ARHGEF1: variants seen among roughly 807,000 people sequenced by gnomAD.
ARHGEF1 encodes Rho guanine nucleotide exchange factor 1.
Under a neutral mutation model 119.7 loss-of-function variants are expected in ARHGEF1, and 40 were observed. That is an observed-to-expected ratio of 0.33 (90% CI 0.26 to 0.44). The LOEUF is 0.44. Ranked by LOEUF, ARHGEF1 falls within the 20% of genes least tolerant of loss-of-function variation. ARHGEF1 has a pLI of 1.00. For missense variants in ARHGEF1, 976 were observed against 1,268.3 expected (o/e 0.77, Z 3.50); for synonymous variants, 494 against 521.0 (o/e 0.95, Z 0.71).
In ARHGEF1 at chr19:41,906,644, G is replaced by A. The variant is rs781864567; in HGVS notation, c.2655+24G>A. On this transcript the variant is annotated intron_variant, in intron 27 of 28. Coordinates refer to ENST00000354532, the MANE Select transcript of ARHGEF1 (RefSeq NM_004706.4). This position sits in a 1 kb window ranked among gnomAD's most constrained non-coding sequence, Gnocchi z 4.5. ...AGGTGGGGCGGGACGGGCCAGGGGTGCCCTGAGTGGGCTGGGGAAGGAAGG... is the reference window on the plus strand; with the variant it reads ...AGGTGGGGCGGGACGGGCCAGGGGTACCCTGAGTGGGCTGGGGAAGGAAGG... The A allele has an allele frequency of 5.0e-6, 8 of 1,600,552 alleles. No homozygotes were observed. The South Asian group carries it at 8.9e-5, about 18-fold the overall frequency.
In ARHGEF1 at chr19:41,916,322, CA is replaced by C. The variant is rs1568833419; in HGVS notation, c.1866-6769del. Among the ~76,000 whole-genome samples, 2 of 152,052 alleles carry C rather than the reference CA, an allele frequency of 1.3e-5. No homozygotes were observed. The highest frequency in any genetic ancestry group is 2.9e-5 in the Non-Finnish European group (2 of 68,000). On this transcript the variant is annotated intron_variant, in intron 18 of 20. Coordinates refer to the ARHGEF1 transcript ENST00000599589. The surrounding 1 kb of genome is among the most constrained non-coding windows in gnomAD (Gnocchi z 5.4). ...ACCACGTCCCACACAACACATCACA[CA>C]CACCAACAAAGCAACGCATACCACT...
chr19:41,901,846 G>A (rs2074609701), intron 14 of ARHGEF1, 41 bp from the exon 15 acceptor site: 4 of 1,595,872 alleles, frequency 2.5e-6, no homozygotes, highest in Non-Finnish European at 2.6e-6. Context: ...CCCCTAGTCT[G>A]CACCCTCCCC....
At chr19:41,909,736 G>T, downstream of ARHGEF1, 3 of 1,081,698 alleles carry the variant, frequency 2.8e-6, no homozygotes, top group Non-Finnish European at 3.9e-6. The surrounding 1 kb of genome is among the most constrained non-coding windows in gnomAD (Gnocchi z 5.2). Context: ...AGCGATGGTG[G>T]CTACTCACGC....
chr19:41,887,004 G>C (rs1185243517), intron 1 of ARHGEF1, among the ~76,000 whole-genome samples: 5 of 152,164 alleles, frequency 3.3e-5, no homozygotes, highest in African/African-American at 1.2e-4. Context: ...AGACAAAGAT[G>C]GGAGAGACAG....
At chr19:41,921,628 G>A (rs1410139204), upstream of ARHGEF1, among the ~76,000 whole-genome samples, 1 of 152,078 alleles carries the variant, frequency 6.6e-6, no homozygotes, top group Non-Finnish European at 1.5e-5. This position sits in a 1 kb window ranked among gnomAD's most constrained non-coding sequence, Gnocchi z 4.4. Context: ...CCGCACCGGA[G>A]ACCCTGGGTT....
intron 18 of ARHGEF1, among the ~76,000 whole-genome samples, chr19:41,912,504 C>CA (rs2074758935): frequency 6.6e-6 from 1 of 152,234 alleles, no homozygotes; most frequent in Non-Finnish European, 1.5e-5. Context: ...CCCCCTCCAG[C>CA]CCAGTCCCTG....
upstream of ARHGEF1, among the ~76,000 whole-genome samples, chr19:41,922,400 G>A (rs1245839738): frequency 6.6e-6 from 1 of 152,164 alleles, no homozygotes. Flanking sequence ...AATAGGGATG[G>A]AGCCGAGAGC....
chr19:41,920,906 C>T (rs2074838215), upstream of ARHGEF1, among the ~76,000 whole-genome samples: 1 of 152,222 alleles, frequency 6.6e-6, no homozygotes, highest in Admixed American at 6.5e-5. Flanking sequence ...CACCCCCCTC[C>T]CTCTGTCTCT....
Position 41,894,297 on chromosome 19 carries a change from C to G in ARHGEF1, c.735C>G (p.Phe245Leu). 3 of 1,557,124 alleles carry G rather than the reference C, an allele frequency of 1.9e-6. No homozygotes were observed. The highest frequency in any genetic ancestry group is 2.6e-6 in the Non-Finnish European group (3 of 1,146,976). The change falls in exon 9 of 29, where the codon TTC (phenylalanine) becomes TTG (leucine). Residue 245 changes from phenylalanine (F) to leucine (L), a missense_variant. Around this residue, in one of 3 missense-constraint regions of ARHGEF1, gnomAD observed 519 missense variants for 580.9 expected, o/e 0.89. Transcript: ENST00000354532. ...ACAAGAAGTCGGGGAGGAACTTCTTCCGGAAAAAGGTGCTTCCCTCAGTGC... is the reference window on the plus strand; with the variant it reads ...ACAAGAAGTCGGGGAGGAACTTCTTGCGGAAAAAGGTGCTTCCCTCAGTGC... ...SGDKKSGRNF[F>L]RKKVMGNRRS...
At chr19:41,895,585 C>A in intron 12 of ARHGEF1, 99 bp downstream of exon 12, 1 of 1,308,524 alleles carries the variant, frequency 7.6e-7, no homozygotes, top group Non-Finnish European at 1.0e-6. Context: ...CATTCCCCAG[C>A]AACACCTCCC....
In ARHGEF1 at chr19:41,904,936, C is replaced by T. The variant is rs2074666607; in HGVS notation, c.2162-13C>T. ...ACCTGGGCTCTGAGCCCCATCTCCC[C>T]CTCTCCCTGCAGATCACAAAGCCTT... On this transcript the variant is annotated splice_polypyrimidine_tract_variant and intron_variant, in intron 22 of 28. Coordinates refer to ENST00000354532, the MANE Select transcript of ARHGEF1 (RefSeq NM_004706.4). The surrounding 1 kb of genome is among the most constrained non-coding windows in gnomAD (Gnocchi z 8.4). 1.2e-6 allele frequency: 2 copies of T among 1,611,486 alleles called. No homozygotes were observed. The highest frequency in any genetic ancestry group is 1.7e-6 in the Non-Finnish European group (2 of 1,177,682).
chr19:41,919,108 C>T (rs1385317862), upstream of ARHGEF1, among the ~76,000 whole-genome samples: 1 of 151,728 alleles, frequency 6.6e-6, no homozygotes, highest in Non-Finnish European at 1.5e-5. Context: ...ACACATAACA[C>T]ACATACCACA....
In ARHGEF1 at chr19:41,891,761, G is replaced by A. The variant is rs1300750401; in HGVS notation, c.226-264G>A. ...AGTAGTAGTTGTTGTCATTATTGCC[G>A]GGAGGAGACCATGATGAAGAACCAC... is the stretch of plus-strand genomic sequence containing the variant. On this transcript the variant is annotated intron_variant, in intron 4 of 28. Transcript: ENST00000354532. 3.9e-5 allele frequency among the ~76,000 whole-genome samples: 6 copies of A among 152,272 alleles called. No individual in the cohort carries two copies. In the South Asian group the frequency reaches 6.2e-4, roughly 16 times the overall value.
At chr19:41,900,491 G>A (rs369450262) in intron 14 of ARHGEF1, among the ~76,000 whole-genome samples, 20 of 152,150 alleles carry the variant, frequency 1.3e-4, no homozygotes, top group African/African-American at 4.1e-4. Context: ...GTACAAAATC[G>A]TGCTTTTAGT....
At chr19:41,894,789 G>C in intron 11 of ARHGEF1, 128 bp downstream of exon 11, 1 of 1,147,180 alleles carries the variant, frequency 8.7e-7, no homozygotes, top group South Asian at 1.3e-5. Context: ...GAGGGGATGG[G>C]GGCCTGGACA....
At chr19:41,894,712 GC>G (rs1555847163) in intron 11 of ARHGEF1, 51 bp downstream of exon 11, 1 of 1,607,050 alleles carries the variant, frequency 6.2e-7, no homozygotes, top group Non-Finnish European at 8.5e-7. Flanking sequence ...TGTGGGAGAG[GC>G]TAGGACCTGG....
chr19:41,892,522 T>C lies in ARHGEF1; in HGVS notation c.368-81T>C. 1 of 1,574,316 alleles carries C rather than the reference T, an allele frequency of 6.4e-7. No homozygotes were observed. The highest frequency in any genetic ancestry group is 8.6e-7 in the Non-Finnish European group (1 of 1,156,248). On this transcript the variant is annotated intron_variant, in intron 6 of 28. Coordinates refer to ENST00000354532, the MANE Select transcript of ARHGEF1 (RefSeq NM_004706.4). This position sits in a 1 kb window ranked among gnomAD's most constrained non-coding sequence, Gnocchi z 6.3. ...TGGCAGCGGCCTCAGGACGTGTGGC[T>C]GTTGGAGTCCAAGGGTGGGTGGGGA...
At chr19:41,893,098 T>C (rs1452760672) in intron 7 of ARHGEF1, 176 bp from the exon 8 acceptor site, 3 of 1,018,880 alleles carry the variant, frequency 2.9e-6, no homozygotes, top group Admixed American at 2.9e-5. Flanking sequence ...CCCATCCTCC[T>C]GGATGAGAGA....
In ARHGEF1 at chr19:41,894,483, C is replaced by T. The variant is rs2074444512; in HGVS notation, c.777C>T (p.Ala259=). 2 of 1,586,916 alleles carry T rather than the reference C, an allele frequency of 1.3e-6. No individual in the cohort carries two copies. Among genetic ancestry groups the T allele is most frequent in the Admixed American group, 3.4e-5 (2 of 58,104 alleles). The change falls in exon 10 of 29, where the codon GCC becomes GCT. Residue 259 remains alanine, a synonymous_variant. Coordinates refer to ENST00000354532, the MANE Select transcript of ARHGEF1 (RefSeq NM_004706.4). ...GGAACCGGCGGTCGGACGAGCCTGC[C>T]AAGACCAAGAAGGGGCTGAGCAGCA... is the stretch of plus-strand genomic sequence containing the variant. ...VMGNRRSDEP[A]KTKKGLSSIL...
Sources: allele counts gnomAD v4.1 joint callset (sites outside exome capture counted in the v4.1 genomes callset), GRCh38; gene constraint gnomAD v4.1.1; regional missense constraint gnomAD v4.1.1; non-coding constraint Gnocchi (gnomAD v3.1); transcripts MANE v1.5; gene names NCBI Gene and HGNC (gene_info 2026-07-23, HGNC 2026-07-21).